The following USP54 variants were observed in gnomAD, a reference collection of about 807,000 sequenced individuals.
USP54 encodes ubiquitin specific peptidase 54.
Under a neutral mutation model 170.5 loss-of-function variants are expected in USP54, and 87 were observed. That is an observed-to-expected ratio of 0.51 (90% confidence interval 0.43 to 0.61). The LOEUF is 0.61. Ranked by LOEUF, USP54 falls within the 20% of genes least tolerant of loss-of-function variation. USP54 has a pLI of 0.00. For missense variants in USP54, 1,786 were observed against 2,047.8 expected, an observed-to-expected ratio of 0.87 and a Z score of 2.47; for synonymous variants, 655 against 742.8, an observed-to-expected ratio of 0.88 and a Z score of 1.92.
At chr10:73,561,104 C>CAAA (rs919887025) in intron 4 of USP54, among the ~76,000 whole-genome samples, 8 of 30,454 alleles carry the variant, frequency 2.6e-4, no homozygotes, top group African/African-American at 3.6e-4. Flanking sequence ...GACTCCATCT[C>CAAA]AAAAAAAAAA....
chr10:73,500,280 G>C (rs2057825062), intron 23 of USP54, among the ~76,000 whole-genome samples: 1 of 152,208 alleles, frequency 6.6e-6, no homozygotes, highest in Non-Finnish European at 1.5e-5. Flanking sequence ...GAGACTCAGA[G>C]GATAGAAGGG....
Position 73,516,460 on chromosome 10 carries a change from C to G in USP54, c.3966G>C (p.Leu1322=), listed in dbSNP as rs2061107478. The stretch of plus-strand genomic sequence containing the variant: ...GAGAAGCCTGAAGACTGGCCTGATA[C>G]AGAGACTCCAATTCTGAGGTCTCCT... ...TEQETSELES[L]YQASLQASQA... Residue 1322 remains leucine (L), a synonymous_variant, in exon 20 of 24, where the codon CTG becomes CTC. Transcript: ENST00000687698. 1 of 1,613,984 alleles carries G rather than the reference C, an allele frequency of 6.2e-7. No homozygotes were observed.
At chr10:73,597,108 T>G (rs769494192) in intron 1 of USP54, among the ~76,000 whole-genome samples, 2 of 152,208 alleles carry the variant, frequency 1.3e-5, no homozygotes, top group Non-Finnish European at 2.9e-5. Flanking sequence ...AGATCTGACT[T>G]ACTTGACTCC....
At chr10:73,589,102 A>G (rs1045040188) in intron 1 of USP54, among the ~76,000 whole-genome samples, 2 of 152,248 alleles carry the variant, frequency 1.3e-5, no homozygotes, top group Non-Finnish European at 1.5e-5. Context: ...AATACAAGGT[A>G]GAAAGTTACA....
upstream of USP54, among the ~76,000 whole-genome samples, chr10:73,595,774 C>T (rs973245296): frequency 6.6e-6 from 1 of 152,116 alleles, no homozygotes; most frequent in Admixed American, 6.6e-5. Context: ...GTATGAAAAT[C>T]CCTCTCAAGC....
At chr10:73,505,025 A>T in intron 21 of USP54, 35 bp from the exon 22 acceptor site, 1 of 1,612,664 alleles carries the variant, frequency 6.2e-7, no homozygotes, top group Non-Finnish European at 8.5e-7. Flanking sequence ...GCAGACACAT[A>T]ATACCAGACT....
intron 16 of USP54, 129 bp from the exon 17 acceptor site, chr10:73,523,879 A>ATTT (rs5786111): frequency 5.8e-6 from 1 of 171,024 alleles, no homozygotes; most frequent in Admixed American, 6.8e-5. Context: ...TTTATTTATT[A>ATTT]TTTATTATTA....
intron 1 of USP54, among the ~76,000 whole-genome samples, chr10:73,613,459 G>C (rs756850073): frequency 3.0e-4 from 45 of 149,306 alleles, no homozygotes; most frequent in Non-Finnish European, 4.7e-4. Context: ...TTTTTTTTGA[G>C]ACCCTGTCAC....
At chr10:73,606,437 C>G (rs1444536393) in intron 1 of USP54, 1 of 151,972 alleles carries the variant, frequency 6.6e-6, no homozygotes, top group East Asian at 1.9e-4. Flanking sequence ...TCGAGTACAG[C>G]CTGGGCAACA....
chr10:73,571,545 T>C, intron 3 of USP54, 32 bp from the exon 4 acceptor site: 2 of 1,538,028 alleles, frequency 1.3e-6, no homozygotes, highest in South Asian at 2.3e-5. Context: ...TTCATTACTC[T>C]ATAAAAAGCT....
chr10:73,529,480 C>T, intron 15 of USP54, 200 bp downstream of exon 15: 1 of 656,540 alleles, frequency 1.5e-6, no homozygotes, highest in South Asian at 1.7e-5. Context: ...AACTGTATTT[C>T]AAATAGAAAG....
At chr10:73,613,840 A>G (rs2080371866) in intron 1 of USP54, 1 of 152,104 alleles carries the variant, frequency 6.6e-6, no homozygotes, top group African/African-American at 2.4e-5. Context: ...AGATTGTGCC[A>G]CTGCACTCCA....
At chr10:73,575,311 C>T (rs1020305260) in intron 3 of USP54, among the ~76,000 whole-genome samples, 2 of 151,950 alleles carry the variant, frequency 1.3e-5, no homozygotes, top group African/African-American at 4.8e-5. Flanking sequence ...ATTATTAATC[C>T]CTCTTTTTTA....
At chr10:73,598,498 C>G (rs998178113) in intron 1 of USP54, among the ~76,000 whole-genome samples, 1 of 152,114 alleles carries the variant, frequency 6.6e-6, no homozygotes, top group Non-Finnish European at 1.5e-5. Context: ...AACTTTTGAC[C>G]GGGCACAGTG....
chr10:73,575,927 A>T lies in USP54; in HGVS notation c.-147T>A, dbSNP rs2076055655. On this transcript the variant is annotated 5_prime_UTR_variant, in exon 2 of 24. Coordinates refer to ENST00000687698, the MANE Select transcript of USP54 (RefSeq NM_001391956.1). The stretch of plus-strand genomic sequence containing the variant: ...GCACAGGACTAATGCAAACAGAGAA[A>T]TCCTTAAGTATTGCTTCCTTCTATT... The T allele has an allele frequency of 3.8e-6, 1 of 262,516 alleles. No individual in the cohort carries two copies. The highest frequency in any genetic ancestry group is 5.3e-5 in the Admixed American group (1 of 19,046). The allele number at this position is 262,516 out of a possible 1,614,324, so 16.3% of individuals were successfully genotyped here.
Position 73,539,440 on chromosome 10 carries a change from C to T in USP54, c.975+4G>A. 1 of 1,605,522 alleles carries T rather than the reference C, an allele frequency of 6.2e-7. No homozygotes were observed. Among genetic ancestry groups the T allele is most frequent in the Non-Finnish European group, 8.5e-7 (1 of 1,174,922 alleles). ...CACTTCAAAAAGGACTTGACTACTCCTACCTCCTTGACATGAGCATCATCA... is the reference window on the plus strand; with the variant it reads ...CACTTCAAAAAGGACTTGACTACTCTTACCTCCTTGACATGAGCATCATCA... On this transcript the variant is annotated splice_donor_region_variant and intron_variant, in intron 10 of 23. Transcript: ENST00000687698.
chr10:73,565,370 G>T (rs111688796), intron 4 of USP54, among the ~76,000 whole-genome samples: 1 of 151,812 alleles, frequency 6.6e-6, no homozygotes, highest in African/African-American at 2.4e-5. Context: ...TTTAAAAATC[G>T]CCAGACATGG....
chr10:73,606,873 T>TCC (rs2079681238), intron 1 of USP54, among the ~76,000 whole-genome samples: 2 of 117,220 alleles, frequency 1.7e-5, no homozygotes, highest in African/African-American at 3.3e-5. Flanking sequence ...AGCGAGACAA[T>TCC]ATCTCAAAAA....
At position 73,575,564 on chromosome 10, in the gene USP54, C is replaced by T; in HGVS notation, c.95G>A (p.Gly32Asp). The T allele has an allele frequency of 6.2e-7, 1 of 1,613,952 alleles. No individual in the cohort carries two copies. The highest frequency in any genetic ancestry group is 8.5e-7 in the Non-Finnish European group (1 of 1,179,934). ...GTTTTGCCCTGGCTCATTGCTGAGG[C>T]CTTTGCTGGGGGCTATGGAGGTTGA... is the stretch of plus-strand genomic sequence containing the variant. ...RSSTSIAPSKGLSNEPGQNSC... is the reference protein window; with the variant it reads ...RSSTSIAPSKDLSNEPGQNSC... Residue 32 changes from glycine (G) to aspartate (D), a missense_variant, in exon 3 of 24, where the codon GGC (glycine) becomes GAC (aspartate). By Grantham distance (94) the Gly-to-Asp change is moderately conservative. Coordinates refer to ENST00000687698, the MANE Select transcript of USP54 (RefSeq NM_001391956.1).
Sources: allele counts gnomAD v4.1 joint callset (sites outside exome capture counted in the v4.1 genomes callset), GRCh38; gene constraint gnomAD v4.1.1; transcripts MANE v1.5; gene names NCBI Gene and HGNC (gene_info 2026-07-23, HGNC 2026-07-21).